The following SLC15A4 variants were observed in gnomAD, a reference collection of about 807,000 sequenced individuals.
SLC15A4 encodes hPHT1.
Under a neutral mutation model 46.1 loss-of-function variants are expected in SLC15A4, and 26 were observed. The ratio of observed to expected loss-of-function variants is 0.56; its 90% CI spans 0.41 to 0.78. The LOEUF (loss-of-function observed/expected upper bound fraction) is 0.78, where lower values mean the gene tolerates loss of function less well. Among genes scored for constraint, SLC15A4 ranks in the 30% least tolerant of loss-of-function variants. The pLI, the probability that SLC15A4 is intolerant of heterozygous loss-of-function variation, is 0.00. For missense variants in SLC15A4, 751 were observed against 755.7 expected (o/e 0.99, Z 0.07); for synonymous variants, 370 against 333.4 (o/e 1.11, Z -1.20).
At chr12:128,813,129 T>C (rs1955684570) in intron 2 of SLC15A4, 1 of 152,166 alleles carries the variant, frequency 6.6e-6, no homozygotes, top group Admixed American at 6.5e-5. Context: ...AACACTGCTT[T>C]TGTCTGATCA....
intron 7 of SLC15A4, among the ~76,000 whole-genome samples, chr12:128,797,719 G>C (rs566544982): frequency 6.6e-6 from 1 of 152,360 alleles, no homozygotes; most frequent in South Asian, 2.1e-4. Context: ...GAGAGCTGCT[G>C]CTCCTTCCAA....
At position 128,823,790 on chromosome 12, in the gene SLC15A4, A is replaced by G; in HGVS notation, c.154T>C (p.Tyr52His). The G allele has an allele frequency of 6.6e-7, 1 of 1,508,756 alleles. No individual in the cohort carries two copies. The highest frequency in any genetic ancestry group is 8.8e-7 in the Non-Finnish European group (1 of 1,135,040). 93.5% of individuals were successfully genotyped at this position (1,508,756 alleles called of 1,614,324 possible). ...AGCACCAGGTTGGACGTGATGCCGTAGAAAGCGGCGCGCTCCAGCAGCTCC... is the reference window on the plus strand; with the variant it reads ...AGCACCAGGTTGGACGTGATGCCGTGGAAAGCGGCGCGCTCCAGCAGCTCC... ...LTELLERAAF[Y>H]GITSNLVLFL... Residue 52 changes from tyrosine to histidine, a missense_variant, in exon 1 of 8, where the codon TAC (tyrosine) becomes CAC (histidine). Tyr to His is a moderately conservative substitution (Grantham distance 83). Transcript: ENST00000266771.
At position 128,794,364 on chromosome 12, in the gene SLC15A4, A is replaced by C; in HGVS notation, c.1574-8T>G. 6.2e-7 allele frequency: 1 copy of C among 1,603,084 alleles called. No individual in the cohort carries two copies. The highest frequency in any genetic ancestry group is 8.5e-7 in the Non-Finnish European group (1 of 1,175,030). On this transcript the variant is annotated splice_polypyrimidine_tract_variant and splice_region_variant and intron_variant, in intron 7 of 7. Transcript: ENST00000266771. ...AGCAGCCGTTAATATTACCTGGAGA[A>C]AACAAAAGGAAAGCGGCAGGTAAGC...
In SLC15A4 at chr12:128,799,379, G is replaced by C; in HGVS notation, c.1453C>G (p.Gln485Glu). Residue 485 changes from glutamine (Q) to glutamate (E), a missense_variant, in exon 7 of 8, where the codon CAG becomes GAG. Gln to Glu is a conservative substitution (Grantham distance 29). Coordinates refer to ENST00000266771, the MANE Select transcript of SLC15A4 (RefSeq NM_145648.4). ...FAYSAAPKSM[Q>E]SAIMGLFFFF... Reference sequence around the variant, plus strand: ...AAGAACAAGCCCATTATGGCACTCTGCATGGACTTGGGGGCAGCTGAGTAT... The same window carrying C: ...AAGAACAAGCCCATTATGGCACTCTCCATGGACTTGGGGGCAGCTGAGTAT... The C allele has an allele frequency of 6.2e-7, 1 of 1,614,222 alleles. No individual in the cohort carries two copies. Among genetic ancestry groups the C allele is most frequent in the Non-Finnish European group, 8.5e-7 (1 of 1,180,046 alleles).
intron 1 of SLC15A4, among the ~76,000 whole-genome samples, chr12:128,816,845 G>A (rs1026898796): frequency 2.0e-5 from 3 of 152,106 alleles, no homozygotes; most frequent in Non-Finnish European, 2.9e-5. Flanking sequence ...AAAAGATATG[G>A]TATGTAATAA....
chr12:128,809,363 T>C (rs1248219017), intron 4 of SLC15A4, 33 bp downstream of exon 4: 1 of 1,404,496 alleles, frequency 7.1e-7, no homozygotes, highest in Non-Finnish European at 9.9e-7. Context: ...AAGTCCAAAA[T>C]AACAATGTTC....
intron 1 of SLC15A4, chr12:128,819,860 T>G (rs1377124117): frequency 6.6e-6 from 1 of 152,236 alleles, no homozygotes. Context: ...AAGTATCAAT[T>G]ACTCGCCTGT....
intron 1 of SLC15A4, among the ~76,000 whole-genome samples, chr12:128,816,386 A>AC (rs1019480736): frequency 3.9e-5 from 6 of 152,140 alleles, no homozygotes; most frequent in African/African-American, 1.4e-4. Flanking sequence ...TCATAAAAAG[A>AC]CTCTCTTGCT....
chr12:128,811,385 A>G (rs1359055359), intron 2 of SLC15A4, among the ~76,000 whole-genome samples: 2 of 152,226 alleles, frequency 1.3e-5, no homozygotes, highest in African/African-American at 4.8e-5. Context: ...GAGTGGGGAA[A>G]AATAGAAGCG....
At chr12:128,812,401 G>A (rs946562793) in intron 2 of SLC15A4, among the ~76,000 whole-genome samples, 1 of 151,952 alleles carries the variant, frequency 6.6e-6, no homozygotes. Context: ...CTCACTGCAA[G>A]CTCCGCCTCC....
At chr12:128,818,869 G>A (rs565992203) in intron 1 of SLC15A4, among the ~76,000 whole-genome samples, 51 of 152,222 alleles carry the variant, frequency 3.4e-4, no homozygotes, top group Admixed American at 6.5e-4. Context: ...CACAACTGGG[G>A]CCTTATGTGT....
intron 5 of SLC15A4, 138 bp downstream of exon 5, chr12:128,808,650 A>T: frequency 1.3e-6 from 1 of 784,598 alleles, no homozygotes; most frequent in Non-Finnish European, 2.0e-6. Flanking sequence ...TAGTGCTGTA[A>T]AATAACTGAT....
At chr12:128,815,307 C>A (rs916730740) in intron 1 of SLC15A4, 3 of 165,978 alleles carry the variant, frequency 1.8e-5, no homozygotes, top group Non-Finnish European at 1.1e-5. Context: ...CCAACAAATG[C>A]TAGAGAGTTT....
chr12:128,797,143 C>G (rs996541390), intron 7 of SLC15A4, among the ~76,000 whole-genome samples: 8 of 152,088 alleles, frequency 5.3e-5, no homozygotes, highest in African/African-American at 1.9e-4. Flanking sequence ...AATGAGCGCA[C>G]CCGCCCCCCA....
At chr12:128,804,964 C>G (rs1481634126) in intron 5 of SLC15A4, among the ~76,000 whole-genome samples, 1 of 152,212 alleles carries the variant, frequency 6.6e-6, no homozygotes, top group Non-Finnish European at 1.5e-5. Flanking sequence ...GACACAGACG[C>G]ACACGTGCTC....
rs980328347 is a variant in SLC15A4, at chr12:128,806,959, A to T, written c.1258+1829T>A. ...TTGCTCTGTCACCAGGCTGGAGTGC[A>T]GTGGCGCGATCTCGGCTCACTGCAA... is the stretch of plus-strand genomic sequence containing the variant. On this transcript the variant is annotated intron_variant, in intron 5 of 7. Coordinates refer to ENST00000266771, the MANE Select transcript of SLC15A4 (RefSeq NM_145648.4). Among the ~76,000 whole-genome samples the T allele has an allele frequency of 7.5e-5, 10 of 133,998 alleles. 1 individual carries two copies. The Admixed American group carries it at 7.9e-4, about 11-fold the overall frequency. 87.9% of individuals were successfully genotyped at this position (133,998 alleles called of 152,430 possible).
chr12:128,802,093 C>T (rs1437016202), intron 5 of SLC15A4, among the ~76,000 whole-genome samples: 1 of 152,176 alleles, frequency 6.6e-6, no homozygotes, highest in Non-Finnish European at 1.5e-5. Context: ...GCAGCCCCAC[C>T]CTGGAAGAGT....
intron 7 of SLC15A4, among the ~76,000 whole-genome samples, chr12:128,796,996 G>A (rs906557653): frequency 6.6e-6 from 1 of 152,122 alleles, no homozygotes; most frequent in African/African-American, 2.4e-5. Context: ...CAGGGTATTC[G>A]GAAACGCCTA....
At chr12:128,820,925 G>T (rs1219189567) in intron 1 of SLC15A4, among the ~76,000 whole-genome samples, 1 of 152,176 alleles carries the variant, frequency 6.6e-6, no homozygotes, top group Non-Finnish European at 1.5e-5. Flanking sequence ...TAGTGTTTGG[G>T]TCATGGGGAC....
Sources: allele counts gnomAD v4.1 joint callset (sites outside exome capture counted in the v4.1 genomes callset), GRCh38; gene constraint gnomAD v4.1.1; transcripts MANE v1.5; gene names NCBI Gene and HGNC (gene_info 2026-07-23, HGNC 2026-07-21).